Variants in F13A1 observed in about 807,000 individuals in gnomAD.
F13A1 encodes coagulation factor XIII A chain, also known as FSF, A subunit.
A neutral mutation model predicts 80.1 loss-of-function variants in F13A1; 47 were observed. The observed-to-expected ratio is 0.59, with a 90% CI of 0.46 to 0.75. The LOEUF is 0.75. Ranked by LOEUF, F13A1 falls within the 30% of genes least tolerant of loss-of-function variation. The probability of loss-of-function intolerance (pLI) is 0.00; values close to 1 mark genes in which losing one functional copy is unlikely to be tolerated. For missense variants in F13A1, 817 were observed against 930.4 expected (o/e 0.88, Z 1.59); for synonymous variants, 349 against 344.9 (o/e 1.01, Z -0.13).
chr6:6,320,381 C>G (rs1758758276), intron 1 of F13A1, among the ~76,000 whole-genome samples: 1 of 152,202 alleles, frequency 6.6e-6, no homozygotes, highest in Non-Finnish European at 1.5e-5. Context: ...AGAGCTGCCT[C>G]GAGAGCCTGA....
intron 14 of F13A1, among the ~76,000 whole-genome samples, chr6:6,147,057 G>GA (rs1359735035): frequency 6.6e-6 from 1 of 152,212 alleles, no homozygotes. Context: ...CTCAGGAATG[G>GA]AAAACCAAAC....
At position 6,236,861 on chromosome 6, in the gene F13A1, A is replaced by G. The variant is rs559364903; in HGVS notation, c.798+11451T>C. Among the ~76,000 whole-genome samples, 29 of 152,278 alleles carry G rather than the reference A, an allele frequency of 1.9e-4. No individual in the cohort carries two copies. The South Asian group carries it at 5.8e-3, about 30-fold the overall frequency. On this transcript the variant is annotated intron_variant, in intron 6 of 14. Transcript: ENST00000264870. ...GCCTAGCGTTAAGTTTGGCAAGGAG[A>G]AGAATTATTTCCTGTAGAAAATCGT... is the stretch of plus-strand genomic sequence containing the variant.
chr6:6,249,320 C>T (rs1056038930), intron 5 of F13A1, among the ~76,000 whole-genome samples: 1 of 152,200 alleles, frequency 6.6e-6, no homozygotes, highest in Non-Finnish European at 1.5e-5. Flanking sequence ...TGGGTAATTG[C>T]ACTAGTTCTT....
At chr6:6,272,885 A>AT (rs1157963490) in intron 3 of F13A1, among the ~76,000 whole-genome samples, 1 of 152,194 alleles carries the variant, frequency 6.6e-6, no homozygotes, top group Non-Finnish European at 1.5e-5. Flanking sequence ...AGAATAATAA[A>AT]TTTTGTCATG....
At chr6:6,226,800 G>A (rs972260420) in intron 6 of F13A1, among the ~76,000 whole-genome samples, 2 of 152,192 alleles carry the variant, frequency 1.3e-5, no homozygotes, top group Non-Finnish European at 2.9e-5. Context: ...CTTATGCCTG[G>A]AGAGAGATGG....
At chr6:6,177,334 C>G (rs556609292) in intron 11 of F13A1, among the ~76,000 whole-genome samples, 2 of 152,286 alleles carry the variant, frequency 1.3e-5, no homozygotes, top group Admixed American at 1.3e-4. Context: ...TCCTCAAACC[C>G]TAGTGTTCTC....
At position 6,251,361 on chromosome 6, in the gene F13A1, G is replaced by C. The variant is rs142815632; in HGVS notation, c.572-432C>G. Among the ~76,000 whole-genome samples the C allele has an allele frequency of 3.3e-3, 502 of 152,164 alleles. 2 individuals are homozygous for C. Among genetic ancestry groups the C allele is most frequent in the Non-Finnish European group, 3.9e-3 (263 of 68,008 alleles). ...AAAATGACTTTTAAAACAAATCTGG[G>C]ACACGTGAGAAGGCCCACGTGTCAT... is the stretch of plus-strand genomic sequence containing the variant. On this transcript the variant is annotated intron_variant, in intron 4 of 14. Coordinates refer to ENST00000264870, the MANE Select transcript of F13A1 (RefSeq NM_000129.4).
chr6:6,259,574 A>G (rs1282671266), intron 4 of F13A1, among the ~76,000 whole-genome samples: 1 of 152,212 alleles, frequency 6.6e-6, no homozygotes, highest in Non-Finnish European at 1.5e-5. Context: ...CATCACCCAC[A>G]GACACACTCC....
At position 6,224,685 on chromosome 6, in the gene F13A1, C is replaced by A. The variant is rs150769138; in HGVS notation, c.973+1G>T. The A allele has an allele frequency of 1.2e-6, 2 of 1,613,530 alleles. No individual in the cohort carries two copies. Among genetic ancestry groups the A allele is most frequent in the Non-Finnish European group, 1.7e-6 (2 of 1,179,608 alleles). On this transcript the variant is annotated splice_donor_variant, in intron 7 of 14. Transcript: ENST00000264870. LOFTEE classifies it high-confidence loss of function. ...AAGAAATTACTCAGTTGGATACTTA[C>A]ATGTGTTAAAGACACCAGCAAAAAC...
intron 9 of F13A1, among the ~76,000 whole-genome samples, chr6:6,196,099 C>T (rs183526980): frequency 6.6e-6 from 1 of 152,328 alleles, no homozygotes; most frequent in African/African-American, 2.4e-5. Context: ...TACAAGGCAA[C>T]ACTATTCCTG....
intron 10 of F13A1, among the ~76,000 whole-genome samples, chr6:6,183,149 G>A (rs574100737): frequency 6.6e-6 from 1 of 152,234 alleles, no homozygotes; most frequent in Non-Finnish European, 1.5e-5. Context: ...CATGGAAGCA[G>A]GTAGGAAGCA....
In F13A1 at chr6:6,194,243, G is replaced by A. The variant is rs141908224; in HGVS notation, c.1305+1554C>T. Among the ~76,000 whole-genome samples the A allele has an allele frequency of 7.4e-3, 1,127 of 152,138 alleles. 7 individuals carry two copies. Among genetic ancestry groups the A allele is most frequent in the Non-Finnish European group, 0.012 (834 of 67,984 alleles). On this transcript the variant is annotated intron_variant, in intron 10 of 14. Transcript: ENST00000264870. ...AGTGAAAACTCTCCCTCACTTACAG[G>A]AGGGACAAGGAGCAAGTCTCTCAGG...
intron 10 of F13A1, among the ~76,000 whole-genome samples, chr6:6,194,524 C>T (rs1761256065): frequency 6.6e-6 from 1 of 152,214 alleles, no homozygotes. Context: ...TCCTCACTGT[C>T]TGTTCCCAGG....
At chr6:6,200,705 A>G (rs757247187) in intron 8 of F13A1, among the ~76,000 whole-genome samples, 2 of 152,312 alleles carry the variant, frequency 1.3e-5, no homozygotes, top group Non-Finnish European at 2.9e-5. Context: ...AGGTAGAGAC[A>G]GTGGGAATAT....
intron 8 of F13A1, among the ~76,000 whole-genome samples, chr6:6,215,211 G>A (rs1278120785): frequency 7.5e-6 from 1 of 132,530 alleles, no homozygotes; most frequent in African/African-American, 2.7e-5. Context: ...ACCAAAGCCG[G>A]GTAGAGACAC....
chr6:6,255,846 A>G (rs553391787), intron 4 of F13A1, among the ~76,000 whole-genome samples: 1 of 152,248 alleles, frequency 6.6e-6, no homozygotes, highest in Non-Finnish European at 1.5e-5. Flanking sequence ...TGATTTTAAA[A>G]AGAAGATTGA....
chr6:6,223,051 C>T (rs1757222073), intron 7 of F13A1, among the ~76,000 whole-genome samples: 1 of 152,198 alleles, frequency 6.6e-6, no homozygotes. Context: ...CACTCTCATT[C>T]TGTTTCTGGC....
chr6:6,260,037 A>T, intron 4 of F13A1, among the ~76,000 whole-genome samples: 1 of 152,348 alleles, frequency 6.6e-6, no homozygotes, highest in Non-Finnish European at 1.5e-5. Context: ...TGATGAATTC[A>T]TAATAACTGC....
intron 14 of F13A1, among the ~76,000 whole-genome samples, chr6:6,148,778 C>T (rs1760326338): frequency 6.6e-6 from 1 of 152,056 alleles, no homozygotes; most frequent in South Asian, 2.1e-4. Flanking sequence ...GATTTTTAGC[C>T]CAAGTTTTGA....
Sources: gnomAD v4.1 joint callset for allele counts (sites outside exome capture counted in the v4.1 genomes callset) on GRCh38, gnomAD v4.1.1 for gene constraint, MANE v1.5 for transcripts, NCBI Gene and HGNC (gene_info 2026-07-23, HGNC 2026-07-21) for gene names.